Variants in ANTXRL observed in about 807,000 individuals in gnomAD.
ANTXRL encodes ANTXR like.
ANTXRL carries 63 observed loss-of-function variants against 75.4 expected under a neutral mutation model. The observed-to-expected ratio is 0.84, with a 90% CI of 0.68 to 1.03. The LOEUF (loss-of-function observed/expected upper bound fraction) is 1.03. ANTXRL is among the 50% of genes least tolerant of loss of function. ANTXRL has a pLI of 0.00. For synonymous variants in ANTXRL, 335 were observed against 291.3 expected, an observed-to-expected ratio of 1.15 and a Z score of -1.53; for missense variants, 797 against 789.4, an observed-to-expected ratio of 1.01 and a Z score of -0.12.
Position 46,309,218 on chromosome 10 carries a change from C to T in ANTXRL, c.1134+16C>T. The stretch of plus-strand genomic sequence containing the variant: ...CCGCAAGCAGGCAAGTGCTCCCTGC[C>T]CGCCCAGCTCTGGGGCCCAGGCACA... On this transcript the variant is annotated intron_variant, in intron 13 of 16. Coordinates refer to ENST00000620264, the MANE Select transcript of ANTXRL (RefSeq NM_001278688.3). 1.3e-6 allele frequency: 2 copies of T among 1,535,700 alleles called. No homozygotes were observed. Among genetic ancestry groups the T allele is most frequent in the Non-Finnish European group, 1.7e-6 (2 of 1,146,714 alleles).
At chr10:46,321,861 C>T (rs1167878604) in intron 16 of ANTXRL, among the ~76,000 whole-genome samples, 3 of 152,044 alleles carry the variant, frequency 2.0e-5, no homozygotes, top group Non-Finnish European at 4.4e-5. Context: ...AATGATAGTA[C>T]CTTTGGCCAA....
At chr10:46,318,010 G>A (rs1838816842) in intron 16 of ANTXRL, among the ~76,000 whole-genome samples, 1 of 152,102 alleles carries the variant, frequency 6.6e-6, no homozygotes, top group Non-Finnish European at 1.5e-5. Flanking sequence ...CTCCTCTACT[G>A]TGAGGCACCC....
At chr10:46,314,505 C>G (rs1428112890) in intron 16 of ANTXRL, among the ~76,000 whole-genome samples, 1 of 151,860 alleles carries the variant, frequency 6.6e-6, no homozygotes, top group Non-Finnish European at 1.5e-5. Context: ...AGAGGAAAGG[C>G]AAGAGGTGGG....
chr10:46,294,088 C>T (rs1837222519), intron 3 of ANTXRL, 188 bp downstream of exon 3: 7 of 588,216 alleles, frequency 1.2e-5, no homozygotes, highest in Non-Finnish European at 6.0e-6. Flanking sequence ...CCCATGGCTG[C>T]AAGGTTACCT....
rs571985589 is a variant in ANTXRL, at chr10:46,329,736, C to T, written c.1548C>T (p.His516=). The change falls in exon 17 of 17, where the codon CAC becomes CAT. Residue 516 remains histidine, a synonymous_variant. Coordinates refer to ENST00000620264, the MANE Select transcript of ANTXRL (RefSeq NM_001278688.3). The part of the protein sequence containing the change: ...APCSPRMCLR[H]SRECLALKQA... Reference sequence around the variant, plus strand: ...GCAGCCCAAGGATGTGCCTGAGACACAGCCGGGAGTGCCTCGCCCTCAAAC... The same window carrying T: ...GCAGCCCAAGGATGTGCCTGAGACATAGCCGGGAGTGCCTCGCCCTCAAAC... 4 of 1,535,176 alleles carry T rather than the reference C, an allele frequency of 2.6e-6. No individual in the cohort carries two copies. In the Admixed American group the frequency reaches 7.9e-5, roughly 30 times the overall value.
At chr10:46,308,782 G>A in intron 12 of ANTXRL, 1 of 385,720 alleles carries the variant, frequency 2.6e-6, no homozygotes. Flanking sequence ...TCCTGTGCCT[G>A]CACCTCCACC....
chr10:46,306,934 G>A, intron 11 of ANTXRL, 62 bp downstream of exon 11: 3 of 1,386,082 alleles, frequency 2.2e-6, no homozygotes, highest in Non-Finnish European at 2.9e-6. Flanking sequence ...TGGGCACCTT[G>A]AGGTGTACAA....
intron 10 of ANTXRL, among the ~76,000 whole-genome samples, chr10:46,305,589 A>T (rs12411395): frequency 3.3e-5 from 5 of 151,922 alleles, no homozygotes; most frequent in Non-Finnish European, 5.9e-5. Context: ...AGCCGAGCCC[A>T]GTGGGTAGAG....
chr10:46,296,911 G>A (rs1353532343), intron 5 of ANTXRL, among the ~76,000 whole-genome samples: 6 of 152,210 alleles, frequency 3.9e-5, no homozygotes, highest in Non-Finnish European at 7.3e-5. Flanking sequence ...CGTGGGACAG[G>A]CCTGTGGTTG....
At position 46,329,948 on chromosome 10, in the gene ANTXRL, C is replaced by T; in HGVS notation, c.1760C>T (p.Thr587Ile). Residue 587 changes from threonine (T) to isoleucine (I), a missense_variant, in exon 17 of 17, where the codon ACC (threonine) becomes ATC (isoleucine). This residue lies in a region of ANTXRL where 479 missense variants were observed against 422.0 expected (regional missense o/e 1.14). Transcript: ENST00000620264. ...CCCAGCCGGGAGTGCCTCCCCCTCA[C>T]CTGCTCCTCCAGGTGCCGCCTCCCC... ...LQPSRECLPL[T>I]CSSRCRLPPA... 1.3e-6 allele frequency: 2 copies of T among 1,535,802 alleles called. No homozygotes were observed. Among genetic ancestry groups the T allele is most frequent in the South Asian group, 1.2e-5 (1 of 84,042 alleles).
chr10:46,320,858 C>T (rs1179804762), intron 16 of ANTXRL, among the ~76,000 whole-genome samples: 1 of 152,132 alleles, frequency 6.6e-6, no homozygotes, highest in Non-Finnish European at 1.5e-5. Flanking sequence ...TGAATTTAAT[C>T]TGGTGACATT....
At chr10:46,316,649 C>T (rs1838741045) in intron 16 of ANTXRL, among the ~76,000 whole-genome samples, 1 of 152,120 alleles carries the variant, frequency 6.6e-6, no homozygotes, top group Admixed American at 6.6e-5. Context: ...AGGTTCCACC[C>T]CATGTCCTGC....
At chr10:46,312,220 G>T (rs560891311) in intron 15 of ANTXRL, among the ~76,000 whole-genome samples, 3 of 151,726 alleles carry the variant, frequency 2.0e-5, no homozygotes, top group African/African-American at 7.2e-5. Context: ...CGCCTGCTGA[G>T]ATGGGCTGAC....
intron 16 of ANTXRL, among the ~76,000 whole-genome samples, chr10:46,321,502 T>C (rs1838974697): frequency 6.6e-6 from 1 of 152,140 alleles, no homozygotes; most frequent in Non-Finnish European, 1.5e-5. Context: ...TCCAAGGCCC[T>C]GAAGCCTCAC....
rs781993999 is a variant in ANTXRL, at chr10:46,330,085, G to C, written c.*1G>C. ...CCCCCCCTCAGAGCCCAACTTCTAA[G>C]GCACCAAACACCCAAGATTAACAGG... On this transcript the variant is annotated 3_prime_UTR_variant, in exon 17 of 17. Transcript: ENST00000620264. 5 of 1,505,016 alleles carry C rather than the reference G, an allele frequency of 3.3e-6. No homozygotes were observed. In the South Asian group the frequency reaches 6.3e-5, roughly 19 times the overall value. The allele number at this position is 1,505,016 out of a possible 1,614,324, so 93.2% of individuals were successfully genotyped here.
At position 46,326,403 on chromosome 10, in the gene ANTXRL, T is replaced by A. The variant is rs549836434; in HGVS notation, c.1411-3196T>A. ...CAACATCCCCACAGATCCCTCAGGC[T>A]GGGTGGCAGTGCCAGGAGGAGGGGC... is the stretch of plus-strand genomic sequence containing the variant. On this transcript the variant is annotated intron_variant, in intron 16 of 16. Transcript: ENST00000620264. Among the ~76,000 whole-genome samples the A allele has an allele frequency of 5.0e-4, 76 of 152,186 alleles. 2 individuals are homozygous for A. In the South Asian group the frequency reaches 0.016, roughly 31 times the overall value.
At chr10:46,304,891 G>T (rs1195637847) in intron 10 of ANTXRL, among the ~76,000 whole-genome samples, 2 of 152,088 alleles carry the variant, frequency 1.3e-5, no homozygotes, top group Non-Finnish European at 2.9e-5. Context: ...GGGCCTGTGG[G>T]TGTACTGGCT....
chr10:46,294,092 G>T (rs1157259592), intron 3 of ANTXRL, 192 bp downstream of exon 3: 4 of 583,538 alleles, frequency 6.9e-6, no homozygotes, highest in Non-Finnish European at 1.2e-5. Context: ...TGGCTGCAAG[G>T]TTACCTGCAG....
Position 46,293,893 on chromosome 10 carries a change from T to C in ANTXRL, c.385T>C (p.Ser129Pro), listed in dbSNP as rs1442434139. 1.3e-6 allele frequency: 2 copies of C among 1,535,394 alleles called. No individual in the cohort carries two copies. Among genetic ancestry groups the C allele is most frequent in the African/African-American group, 2.7e-5 (2 of 72,938 alleles). ...TDGQTVLPLT[S>P]DKNRIKNGLD... Reference sequence around the variant, plus strand: ...CGGCCAGACTGTCTTGCCACTCACCTCAGACAAGTGAGTGCTGCTTTGAGC... The same window carrying C: ...CGGCCAGACTGTCTTGCCACTCACCCCAGACAAGTGAGTGCTGCTTTGAGC... The change falls in exon 3 of 17, where the codon TCA becomes CCA. Residue 129 changes from serine (S) to proline (P), a missense_variant. Transcript: ENST00000620264.
Sources: gnomAD v4.1 joint callset for allele counts (sites outside exome capture counted in the v4.1 genomes callset) on GRCh38, gnomAD v4.1.1 for gene constraint, gnomAD v4.1.1 regional missense constraint, MANE v1.5 for transcripts, NCBI Gene and HGNC (gene_info 2026-07-23, HGNC 2026-07-21) for gene names.